CIBAR2: variants seen among roughly 807,000 people sequenced by gnomAD.
The protein encoded by CIBAR2 is CBY1-interacting BAR domain-containing protein 2.
CIBAR2 carries 38 observed loss-of-function variants against 36.2 expected under a neutral mutation model. The ratio of observed to expected loss-of-function variants is 1.05; its 90% confidence interval spans 0.81 to 1.38. The LOEUF (loss-of-function observed/expected upper bound fraction) is 1.38, where lower values mean the gene tolerates loss of function less well. Ranked by LOEUF, CIBAR2 falls within the 40% of genes most tolerant of loss-of-function variation. The pLI, the probability that CIBAR2 is intolerant of heterozygous loss-of-function variation, is 0.00. For missense variants in CIBAR2, 481 were observed against 383.4 expected (o/e 1.25, Z -2.13); for synonymous variants, 182 against 149.5 (o/e 1.22, Z -1.58).
intron 5 of CIBAR2, among the ~76,000 whole-genome samples, chr16:85,107,427 C>A (rs1162852728): frequency 6.6e-6 from 1 of 152,128 alleles, no homozygotes; most frequent in Non-Finnish European, 1.5e-5. Flanking sequence ...GAGCATTAAA[C>A]AGGTAACTGG....
chr16:85,101,303 C>T (rs1201175646), intron 7 of CIBAR2, among the ~76,000 whole-genome samples: 1 of 152,150 alleles, frequency 6.6e-6, no homozygotes, highest in Non-Finnish European at 1.5e-5. Flanking sequence ...TTTCATTTTG[C>T]AGTGGGCCCT....
rs1180404345 is a variant in CIBAR2, at chr16:85,112,363, G to T, written c.-11C>A. On this transcript the variant is annotated 5_prime_UTR_variant, in exon 1 of 9. Coordinates refer to ENST00000539556, the MANE Select transcript of CIBAR2 (RefSeq NM_198491.3). ...GAAGACGATGTTCATTGTGACCAGAGCTTTGGCTGTCCCGGTGCTGGGGAA... is the reference window on the plus strand; with the variant it reads ...GAAGACGATGTTCATTGTGACCAGATCTTTGGCTGTCCCGGTGCTGGGGAA... 1.2e-6 allele frequency: 2 copies of T among 1,613,786 alleles called. No homozygotes were observed. Among genetic ancestry groups the T allele is most frequent in the East Asian group, 2.2e-5 (1 of 44,882 alleles).
At chr16:85,099,686 C>T (rs1191839669) in intron 8 of CIBAR2, among the ~76,000 whole-genome samples, 7 of 150,894 alleles carry the variant, frequency 4.6e-5, no homozygotes, top group East Asian at 2.0e-4. Flanking sequence ...TGCAATGGTA[C>T]GATCTCGGCT....
At chr16:85,108,414 G>A (rs1195054219) in intron 2 of CIBAR2, among the ~76,000 whole-genome samples, 2 of 152,234 alleles carry the variant, frequency 1.3e-5, no homozygotes, top group Non-Finnish European at 2.9e-5. Flanking sequence ...CCAGAACTCA[G>A]GGAGTGTCAT....
At position 85,107,015 on chromosome 16, in the gene CIBAR2, G is replaced by C. The variant is rs202111975; in HGVS notation, c.432+652C>G. On this transcript the variant is annotated intron_variant, in intron 5 of 8. Coordinates refer to ENST00000539556, the MANE Select transcript of CIBAR2 (RefSeq NM_198491.3). ...ATAAAAATTAGCCAGGCACAGTGGT[G>C]GGCACCTGTAATCCCAGCTGTTGGG... Among the ~76,000 whole-genome samples, 12 of 152,256 alleles carry C rather than the reference G, an allele frequency of 7.9e-5. No homozygotes were observed. The East Asian group carries it at 1.5e-3, about 20-fold the overall frequency.
chr16:85,104,293 G>A (rs1183991052), intron 6 of CIBAR2, among the ~76,000 whole-genome samples: 1 of 152,228 alleles, frequency 6.6e-6, no homozygotes, highest in African/African-American at 2.4e-5. Context: ...CAGGCAGGAT[G>A]AGGCCGCAGG....
At position 85,099,161 on chromosome 16, in the gene CIBAR2, T is replaced by G; in HGVS notation, c.*24A>C. The G allele has an allele frequency of 6.7e-7, 1 of 1,491,412 alleles. No homozygotes were observed. 92.4% of individuals were successfully genotyped at this position (1,491,412 alleles called of 1,614,324 possible). A position where few individuals can be genotyped will look rare whatever the true frequency, so the allele number is the denominator to read the frequency against. On this transcript the variant is annotated 3_prime_UTR_variant, in exon 9 of 9. Coordinates refer to ENST00000539556, the MANE Select transcript of CIBAR2 (RefSeq NM_198491.3). ...CAGTCTGGGATTATTTTAAACGGCT[T>G]GGGATTGCACTTACCCTACGTCGTT...
chr16:85,105,697 G>C (rs578057447), intron 5 of CIBAR2, among the ~76,000 whole-genome samples: 1 of 152,302 alleles, frequency 6.6e-6, no homozygotes, highest in South Asian at 2.1e-4. Flanking sequence ...TTCCATGCTT[G>C]TAAACAGAAG....
In CIBAR2 at chr16:85,101,422, T is replaced by A. The variant is rs150312147; in HGVS notation, c.651+792A>T. Among the ~76,000 whole-genome samples, 356 of 152,182 alleles carry A rather than the reference T, an allele frequency of 2.3e-3. 1 individual carries two copies. Among genetic ancestry groups the A allele is most frequent in the African/African-American group, 8.5e-3 (351 of 41,516 alleles). ...CAGCCTCTGACCAATGGCAGCCACA[T>A]GAAGCCTCCACCTGAGAACTGCCCA... On this transcript the variant is annotated intron_variant, in intron 7 of 8. Coordinates refer to ENST00000539556, the MANE Select transcript of CIBAR2 (RefSeq NM_198491.3).
Position 85,112,398 on chromosome 16 carries a change from G to T in CIBAR2, c.-46C>A. 2 of 1,599,272 alleles carry T rather than the reference G, an allele frequency of 1.3e-6. No individual in the cohort carries two copies. The highest frequency in any genetic ancestry group is 1.7e-6 in the Non-Finnish European group (2 of 1,166,728). On this transcript the variant is annotated 5_prime_UTR_variant, in exon 1 of 9. Transcript: ENST00000539556. ...TCCCGGTGCTGGGGAATAAGGACAGGGCCCCAGGGGTCCTGCAGGCCTGGG... is the reference window on the plus strand; with the variant it reads ...TCCCGGTGCTGGGGAATAAGGACAGTGCCCCAGGGGTCCTGCAGGCCTGGG...
chr16:85,111,152 C>A (rs969202279), intron 1 of CIBAR2, among the ~76,000 whole-genome samples: 1 of 152,098 alleles, frequency 6.6e-6, no homozygotes, highest in Admixed American at 6.5e-5. Flanking sequence ...TCATCCCCAG[C>A]GTGTAACTGT....
At chr16:85,107,737 C>A in intron 4 of CIBAR2, 65 bp from the exon 5 acceptor site, 5 of 1,603,120 alleles carry the variant, frequency 3.1e-6, no homozygotes, top group Non-Finnish European at 4.3e-6. Flanking sequence ...GGTCCGCCCC[C>A]TTCACAGCCC....
chr16:85,107,840 G>A lies in CIBAR2; in HGVS notation c.426+6C>T. On this transcript the variant is annotated splice_donor_region_variant and intron_variant, in intron 4 of 8. Coordinates refer to ENST00000539556, the MANE Select transcript of CIBAR2 (RefSeq NM_198491.3). ...AGCCCCAGGCCCCACTTCCAGGGAA[G>A]GATACGATCATTTGCTGATCCGAGG... 1.2e-6 allele frequency: 2 copies of A among 1,611,090 alleles called. No homozygotes were observed. The highest frequency in any genetic ancestry group is 2.2e-5 in the East Asian group (1 of 44,838).
At chr16:85,099,623 C>CT (rs534443322) in intron 8 of CIBAR2, among the ~76,000 whole-genome samples, 10,299 of 140,524 alleles carry the variant, frequency 0.073, 737 homozygotes, top group African/African-American at 0.19. Context: ...ATTGATTCTA[C>CT]TTTTTTTTTT....
intron 7 of CIBAR2, 147 bp from the exon 8 acceptor site, chr16:85,100,387 T>C: frequency 1.8e-6 from 1 of 554,140 alleles, no homozygotes. Flanking sequence ...AGCTTCCTGT[T>C]TCTTATTTCA....
chr16:85,105,421 C>T lies in CIBAR2; in HGVS notation c.443G>A (p.Arg148Lys). ...DQQMISQAETRVQRAAVDSSR... is the reference protein window; with the variant it reads ...DQQMISQAETKVQRAAVDSSR... The stretch of plus-strand genomic sequence containing the variant: ...GGAGTCCACAGCGGCCCTCTGCACT[C>T]TGGTCTCTGCCTGGCCCCAGGGACA... Residue 148 changes from arginine to lysine, a missense_variant, in exon 6 of 9, where the codon AGA (arginine) becomes AAA (lysine). Coordinates refer to ENST00000539556, the MANE Select transcript of CIBAR2 (RefSeq NM_198491.3). 1 of 1,613,428 alleles carries T rather than the reference C, an allele frequency of 6.2e-7. No individual in the cohort carries two copies. Among genetic ancestry groups the T allele is most frequent in the Non-Finnish European group, 8.5e-7 (1 of 1,179,632 alleles).
At chr16:85,112,279 C>T in intron 1 of CIBAR2, 54 bp downstream of exon 1, 1 of 1,594,480 alleles carries the variant, frequency 6.3e-7, no homozygotes, top group Non-Finnish European at 8.6e-7. Flanking sequence ...TGCCCCGGGC[C>T]TCAAAACCCG....
intron 6 of CIBAR2, 78 bp from the exon 7 acceptor site, chr16:85,102,405 G>A (rs1243897850): frequency 2.3e-6 from 2 of 864,482 alleles, no homozygotes; most frequent in African/African-American, 3.3e-5. Flanking sequence ...CAGGCAGATG[G>A]GGTGGGGGTG....
Position 85,108,055 on chromosome 16 carries a change from G to A in CIBAR2, c.300C>T (p.Tyr100=), listed in dbSNP as rs17200833. ...CCCGTGTCTGCTTGATCTGTGCCCC[G>A]TAGAGCTTCAGGGGGTTGACCACCT... ...ETKVVNPLKL[Y]GAQIKQTRAE... Residue 100 remains tyrosine, a synonymous_variant, in exon 3 of 9, where the codon TAC becomes TAT. Coordinates refer to ENST00000539556, the MANE Select transcript of CIBAR2 (RefSeq NM_198491.3). 228,952 of 1,613,232 alleles carry A rather than the reference G, an allele frequency of 0.14. 17,873 individuals carry two copies. The highest frequency in any genetic ancestry group is 0.18 in the Middle Eastern group (1,069 of 6,058).
Sources: gnomAD v4.1 joint callset for allele counts (sites outside exome capture counted in the v4.1 genomes callset) on GRCh38, gnomAD v4.1.1 for gene constraint, MANE v1.5 for transcripts, NCBI Gene and HGNC (gene_info 2026-07-23, HGNC 2026-07-21) for gene names.